The following JAG1 variants were observed in gnomAD, a reference collection of about 807,000 sequenced individuals.
The protein encoded by JAG1 is protein jagged-1.
In JAG1, 23 loss-of-function variants were observed where a neutral mutation model predicts 148.7. The ratio of observed to expected loss-of-function variants is 0.15; its 90% CI spans 0.11 to 0.22. The LOEUF (loss-of-function observed/expected upper bound fraction) is 0.22. JAG1 is among the 10% of genes least tolerant of loss of function. The pLI is 1.00. For synonymous variants in JAG1, 572 were observed against 598.3 expected (o/e 0.96, Z 0.64); for missense variants, 1,054 against 1,611.2 (o/e 0.65, Z 5.92).
At chr20:10,646,841 A>C (rs1357335524) in intron 14 of JAG1, 98 bp downstream of exon 14, 27 of 1,248,408 alleles carry the variant, frequency 2.2e-5, no homozygotes, top group Non-Finnish European at 3.1e-5. Context: ...AAAAAAAAAA[A>C]CTTTCAACAC....
intron 20 of JAG1, 89 bp from the exon 21 acceptor site, chr20:10,642,690 A>T: frequency 2.5e-6 from 2 of 801,968 alleles, no homozygotes; most frequent in South Asian, 2.9e-5. Context: ...CAAGAAAAGC[A>T]TATCATCATA....
intron 2 of JAG1, among the ~76,000 whole-genome samples, chr20:10,665,733 T>C (rs575477807): frequency 5.3e-5 from 8 of 152,302 alleles, no homozygotes; most frequent in African/African-American, 1.9e-4. Flanking sequence ...TTAAATGCAT[T>C]GATACCAGGA....
intron 11 of JAG1, 62 bp downstream of exon 11, chr20:10,648,999 G>C: frequency 3.1e-6 from 4 of 1,310,084 alleles, no homozygotes; most frequent in Non-Finnish European, 2.2e-6. Context: ...TCCTAGTGTC[G>C]CACAAATCTA....
At chr20:10,671,217 T>C (rs961227886) in intron 2 of JAG1, among the ~76,000 whole-genome samples, 8 of 152,182 alleles carry the variant, frequency 5.3e-5, no homozygotes, top group Admixed American at 5.2e-4. Context: ...CAGCCAGATT[T>C]AAACGCAGCC....
At chr20:10,665,593 TTGAGG>T (rs1359740449) in intron 2 of JAG1, among the ~76,000 whole-genome samples, 1 of 152,198 alleles carries the variant, frequency 6.6e-6, no homozygotes, top group Non-Finnish European at 1.5e-5. Flanking sequence ...CTCTACTGAT[TTGAGG>T]TAAGAGCACA....
chr20:10,658,375 T>G, intron 4 of JAG1, 93 bp downstream of exon 4: 114 of 1,529,782 alleles, frequency 7.5e-5, no homozygotes, highest in Non-Finnish European at 9.3e-5. Context: ...CCACCCCACC[T>G]GAGATAGCCG....
chr20:10,665,292 G>A (rs899224245), intron 2 of JAG1, among the ~76,000 whole-genome samples: 3 of 152,184 alleles, frequency 2.0e-5, no homozygotes, highest in African/African-American at 7.2e-5. Context: ...AAAATATCTT[G>A]TGATAGACCC....
In JAG1 at chr20:10,654,322, C is replaced by T. The variant is rs59193318; in HGVS notation, c.756-1724G>A. Among the ~76,000 whole-genome samples, 1,387 of 152,268 alleles carry T rather than the reference C, an allele frequency of 9.1e-3. 24 individuals are homozygous for T. The highest frequency in any genetic ancestry group is 0.032 in the African/African-American group (1,320 of 41,542). ...CTTCAAAAGAAAACAAATAAAAATA[C>T]TGACCCTAAAAGAGGCACCAACCAA... On this transcript the variant is annotated intron_variant, in intron 5 of 25. Coordinates refer to ENST00000254958, the MANE Select transcript of JAG1 (RefSeq NM_000214.3).
At chr20:10,639,988 C>T in intron 25 of JAG1, 33 bp from the exon 26 acceptor site, 1 of 1,526,310 alleles carries the variant, frequency 6.6e-7, no homozygotes, top group Non-Finnish European at 9.1e-7. Flanking sequence ...ATTAACTCTC[C>T]AAGAAAGAAA....
intron 4 of JAG1, among the ~76,000 whole-genome samples, chr20:10,657,393 T>G (rs1038022754): frequency 7.3e-5 from 11 of 151,352 alleles, no homozygotes; most frequent in Non-Finnish European, 1.3e-4. Flanking sequence ...ACACTAAGTG[T>G]TAGGTCGTTT....
At chr20:10,667,464 T>C (rs914141418) in intron 2 of JAG1, among the ~76,000 whole-genome samples, 6 of 152,176 alleles carry the variant, frequency 3.9e-5, no homozygotes, top group Non-Finnish European at 7.3e-5. Context: ...GTGGCCAGAG[T>C]ATAAAATATT....
chr20:10,670,421 A>G (rs540021553), intron 2 of JAG1, among the ~76,000 whole-genome samples: 3 of 152,308 alleles, frequency 2.0e-5, no homozygotes, highest in East Asian at 1.9e-4. Flanking sequence ...ATTCTGTACT[A>G]AGTTCATTTA....
At position 10,649,612 on chromosome 20, in the gene JAG1, G is replaced by C. The variant is rs1477546681; in HGVS notation, c.1258C>G (p.Pro420Ala). Reference protein sequence around the residue: ...QLDANECEAKPCVNAKSCKNL... With the variant: ...QLDANECEAKACVNAKSCKNL... ...TTACAGGATTTGGCGTTTACACAAGGTTTGGCCTCACATTCATTTGCATCT... is the reference window on the plus strand; with the variant it reads ...TTACAGGATTTGGCGTTTACACAAGCTTTGGCCTCACATTCATTTGCATCT... Residue 420 changes from proline (P) to alanine (A), a missense_variant, in exon 10 of 26, where the codon CCT becomes GCT. By Grantham distance (27) the Pro-to-Ala change is conservative. Transcript: ENST00000254958. The C allele has an allele frequency of 6.2e-7, 1 of 1,612,852 alleles. No individual in the cohort carries two copies. The highest frequency in any genetic ancestry group is 2.2e-5 in the East Asian group (1 of 44,886).
At chr20:10,644,709 T>G in intron 18 of JAG1, 154 bp downstream of exon 18, 1 of 726,356 alleles carries the variant, frequency 1.4e-6, no homozygotes, top group African/African-American at 1.7e-5. Flanking sequence ...CATGCCCAGG[T>G]CAGGGCTGTA....
intron 5 of JAG1, among the ~76,000 whole-genome samples, chr20:10,654,926 G>T (rs1328971070): frequency 6.6e-6 from 1 of 152,204 alleles, no homozygotes. Flanking sequence ...CAGGCAGCAG[G>T]CTTGGAATCA....
chr20:10,642,644 G>A lies in JAG1; in HGVS notation c.2459-43C>T, dbSNP rs762960776. On this transcript the variant is annotated intron_variant, in intron 20 of 25. Coordinates refer to ENST00000254958, the MANE Select transcript of JAG1 (RefSeq NM_000214.3). ...CAAGTTTAGGGACTGATGGTGTGTG[G>A]CAATGTTTTGAGATTGTTTTTATTG... 4.4e-6 allele frequency: 5 copies of A among 1,142,578 alleles called. No individual in the cohort carries two copies. In the South Asian group the frequency reaches 6.2e-5, roughly 14 times the overall value. 70.8% of individuals were successfully genotyped at this position (1,142,578 alleles called of 1,614,324 possible).
intron 18 of JAG1, 112 bp from the exon 19 acceptor site, chr20:10,644,496 A>G: frequency 1.2e-6 from 1 of 841,304 alleles, no homozygotes; most frequent in Non-Finnish European, 2.0e-6. Context: ...GTCGTAGTTA[A>G]CACCAGCAAA....
At chr20:10,655,147 C>T (rs2067370364) in intron 5 of JAG1, among the ~76,000 whole-genome samples, 1 of 152,164 alleles carries the variant, frequency 6.6e-6, no homozygotes, top group South Asian at 2.1e-4. Context: ...ACAACCAGTT[C>T]TTAATTTAGT....
At chr20:10,650,040 C>G (rs1183590078) in intron 9 of JAG1, among the ~76,000 whole-genome samples, 1 of 152,158 alleles carries the variant, frequency 6.6e-6, no homozygotes, top group Non-Finnish European at 1.5e-5. Flanking sequence ...TCAAGGAATC[C>G]CACGACTTTC....
Sources: allele counts gnomAD v4.1 joint callset (sites outside exome capture counted in the v4.1 genomes callset), GRCh38; gene constraint gnomAD v4.1.1; transcripts MANE v1.5; gene names NCBI Gene and HGNC (gene_info 2026-07-23, HGNC 2026-07-21).